KHK: variants seen among roughly 807,000 people sequenced by gnomAD.
KHK encodes ketohexokinase.
KHK carries 37 observed loss-of-function variants against 36.0 expected under a neutral mutation model. The observed-to-expected ratio is 1.03, with a 90% CI of 0.79 to 1.35. The LOEUF (loss-of-function observed/expected upper bound fraction) is 1.35. Ranked by LOEUF, KHK falls within the 40% of genes most tolerant of loss-of-function variation. KHK has a pLI of 0.00. For missense variants in KHK, 395 were observed against 391.9 expected (o/e 1.01, Z -0.07); for synonymous variants, 161 against 162.8 (o/e 0.99, Z 0.08).
chr2:27,099,713 A>G lies in KHK; in HGVS notation c.860A>G (p.Lys287Arg). ...AGATTCGGGTGCCAGGTGGCCGGCA[A>G]GAAGTGTGGCCTGCAGGGCTTTGAT... ...ALRFGCQVAG[K>R]KCGLQGFDGI... Residue 287 changes from lysine (K) to arginine (R), a missense_variant, in exon 8 of 8, where the codon AAG becomes AGG. Transcript: ENST00000260598. The G allele has an allele frequency of 6.2e-7, 1 of 1,614,102 alleles. No homozygotes were observed. Among genetic ancestry groups the G allele is most frequent in the Middle Eastern group, 1.7e-4 (1 of 6,058 alleles).
intron 6 of KHK, 27 bp downstream of exon 6, chr2:27,099,311 T>G: frequency 6.2e-7 from 1 of 1,613,420 alleles, no homozygotes; most frequent in South Asian, 1.1e-5. Flanking sequence ...AGGAAGGGGC[T>G]TTAGAAGGTA....
intron 3 of KHK, among the ~76,000 whole-genome samples, chr2:27,096,167 G>A (rs115224597): frequency 0.011 from 1,616 of 152,316 alleles, 25 homozygotes; most frequent in African/African-American, 0.036. Flanking sequence ...GAGGGTCAAG[G>A]CAGACCTCTA....
rs746646647 is a variant in KHK at position 27,097,545 on chromosome 2, G to A, written c.460G>A (p.Asp154Asn). ...GCAGGTGAAGATGCTGCAGCGGATA[G>A]ACGCACACAACACCAGGCAGCCTCC... The part of the protein sequence containing the change: ...SEQVKMLQRI[D>N]AHNTRQPPEQ... Residue 154 changes from aspartate (D) to asparagine (N), a missense_variant, in exon 5 of 8, where the codon GAC becomes AAC. Asp to Asn is a conservative substitution (Grantham distance 23). Coordinates refer to ENST00000260598, the MANE Select transcript of KHK (RefSeq NM_006488.3). 1.1e-5 allele frequency: 18 copies of A among 1,613,990 alleles called. No individual in the cohort carries two copies. Among genetic ancestry groups the A allele is most frequent in the Non-Finnish European group, 1.5e-5 (18 of 1,180,046 alleles).
At chr2:27,099,107 G>C (rs1044253260) in intron 5 of KHK, 89 bp from the exon 6 acceptor site, 2 of 1,073,166 alleles carry the variant, frequency 1.9e-6, no homozygotes, top group East Asian at 4.7e-5. Flanking sequence ...CATGTTGGGG[G>C]AGTCGTGTTG....
chr2:27,100,212 G>A lies in KHK; in HGVS notation c.*462G>A. 2.4e-6 allele frequency: 1 copy of A among 409,352 alleles called. No homozygotes were observed. The highest frequency in any genetic ancestry group is 4.6e-6 in the Non-Finnish European group (1 of 217,650). 25.4% of individuals were successfully genotyped at this position (409,352 alleles called of 1,614,324 possible). ...AAAGAAACCGTGAGAGCTCTTCGGG[G>A]CCCTGCGTTGTGCAGACTCTATTCC... is the stretch of plus-strand genomic sequence containing the variant. On this transcript the variant is annotated 3_prime_UTR_variant, in exon 8 of 8. Transcript: ENST00000260598.
chr2:27,097,601 G>A lies in KHK; in HGVS notation c.516G>A (p.Val172=), dbSNP rs1411832467. ...AGAAGATCCGGGTGTCCGTGGAGGT[G>A]GAGAAGCCACGAGAGGAGCTCTTCC... The part of the protein sequence containing the change: ...PEQKIRVSVE[V]EKPREELFQL... The change falls in exon 5 of 8, where the codon GTG becomes GTA. Residue 172 remains valine, a synonymous_variant. Coordinates refer to ENST00000260598, the MANE Select transcript of KHK (RefSeq NM_006488.3). The A allele has an allele frequency of 1.2e-6, 2 of 1,613,962 alleles. No homozygotes were observed. Among genetic ancestry groups the A allele is most frequent in the African/African-American group, 1.3e-5 (1 of 74,940 alleles).
chr2:27,099,661 C>T lies in KHK; in HGVS notation c.812-4C>T. 4 of 1,614,150 alleles carry T rather than the reference C, an allele frequency of 2.5e-6. No homozygotes were observed. Among genetic ancestry groups the T allele is most frequent in the Non-Finnish European group, 3.4e-6 (4 of 1,180,016 alleles). ...GCTGACCTAGCTACTTGCCCCTCCT[C>T]CAGGGAGGAGCGTGCAGGAAGCACT... On this transcript the variant is annotated splice_region_variant and splice_polypyrimidine_tract_variant and intron_variant, in intron 7 of 7. Transcript: ENST00000260598.
chr2:27,097,790 A>T, intron 5 of KHK, 141 bp downstream of exon 5: 1 of 1,228,844 alleles, frequency 8.1e-7, no homozygotes. Context: ...GATGGGGGTT[A>T]AAGCAAAGAA....
chr2:27,092,526 G>A, intron 2 of KHK, 78 bp downstream of exon 2: 2 of 1,042,120 alleles, frequency 1.9e-6, no homozygotes, highest in Non-Finnish European at 1.5e-6. Context: ...TCCACCCTGG[G>A]TGGATGGGGG....
In KHK at chr2:27,097,674, T is replaced by C. The variant is rs755369949; in HGVS notation, c.564+25T>C. The stretch of plus-strand genomic sequence containing the variant: ...GGTGGGTGCCCCATTCAGCCTCTCT[T>C]TGCCACTTCCAGCTAATTTGGTTCT... On this transcript the variant is annotated intron_variant, in intron 5 of 7. Transcript: ENST00000260598. 6.8e-6 allele frequency: 11 copies of C among 1,613,420 alleles called. No individual in the cohort carries two copies. The East Asian group carries it at 1.8e-4, about 26-fold the overall frequency.
chr2:27,099,194 A>C lies in KHK; in HGVS notation c.565-2A>C, dbSNP rs780388899. The C allele has an allele frequency of 1.9e-6, 3 of 1,614,136 alleles. No individual in the cohort carries two copies. In the Admixed American group the frequency reaches 5.0e-5, roughly 27 times the overall value. On this transcript the variant is annotated splice_acceptor_variant, in intron 5 of 7. Coordinates refer to ENST00000260598, the MANE Select transcript of KHK (RefSeq NM_006488.3). LOFTEE classifies it high-confidence loss of function. ...CACCAGCTTCTCTTCCACTGCCCAC[A>C]GGTGTTTGTCAGCAAAGATGTGGCC...
intron 3 of KHK, among the ~76,000 whole-genome samples, chr2:27,095,425 C>T (rs549045434): frequency 6.6e-6 from 1 of 152,156 alleles, no homozygotes; most frequent in African/African-American, 2.4e-5. Context: ...GATCAGCCCC[C>T]CAAAGTTTCC....
intron 2 of KHK, among the ~76,000 whole-genome samples, chr2:27,093,547 T>C (rs923546758): frequency 6.6e-6 from 1 of 152,192 alleles, no homozygotes; most frequent in African/African-American, 2.4e-5. Flanking sequence ...TTTCCAATGC[T>C]TTGGGAAAGT....
Position 27,087,249 on chromosome 2 carries a change from G to C in KHK, c.-11G>C. On this transcript the variant is annotated 5_prime_UTR_variant, in exon 1 of 8. Transcript: ENST00000260598. ...TCAGCCGGGCGGGCAGGAAGCTCTG[G>C]GAGTAGCCTCATGGAAGAGAAGCAG... 6 of 1,578,468 alleles carry C rather than the reference G, an allele frequency of 3.8e-6. No individual in the cohort carries two copies. Among genetic ancestry groups the C allele is most frequent in the Non-Finnish European group, 5.2e-6 (6 of 1,161,410 alleles).
chr2:27,098,346 C>A (rs1670530518), intron 5 of KHK, among the ~76,000 whole-genome samples: 2 of 151,788 alleles, frequency 1.3e-5, no homozygotes, highest in Non-Finnish European at 2.9e-5. Flanking sequence ...CATAGCAAGA[C>A]CCCTGTCTCT....
chr2:27,098,733 A>G (rs1199591084), intron 5 of KHK, among the ~76,000 whole-genome samples: 1 of 152,196 alleles, frequency 6.6e-6, no homozygotes, highest in Non-Finnish European at 1.5e-5. Context: ...TAGTTGTGGG[A>G]AAAACCAGCA....
chr2:27,087,422 G>A, intron 1 of KHK, 71 bp downstream of exon 1: 1 of 1,265,904 alleles, frequency 7.9e-7, no homozygotes, highest in East Asian at 2.5e-5. Flanking sequence ...AGCGACCGAG[G>A]CTGCAGAGAC....
At position 27,094,845 on chromosome 2, in the gene KHK, G is replaced by A; in HGVS notation, c.255G>A (p.Gln85=). The A allele has an allele frequency of 1.2e-6, 2 of 1,614,052 alleles. No homozygotes were observed. Among genetic ancestry groups the A allele is most frequent in the Non-Finnish European group, 1.7e-6 (2 of 1,180,040 alleles). The change falls in exon 3 of 8, where the codon CAG becomes CAA. Residue 85 remains glutamine (Q), a synonymous_variant. Transcript: ENST00000260598. ...DFRRRGVDVS[Q]VAWQSKGDTP... is the part of the protein sequence containing the mutation. ...GGCGGCGGGGCGTGGACGTGTCTCA[G>A]GTGGCCTGGCAGAGCAAGGGGGACA... is the stretch of plus-strand genomic sequence containing the variant.
Position 27,094,517 on chromosome 2 carries a change from C to T in KHK, c.210-283C>T, listed in dbSNP as rs886055886. 1.3e-5 allele frequency: 21 copies of T among 1,613,822 alleles called. No individual in the cohort carries two copies. The Middle Eastern group carries it at 4.9e-4, about 38-fold the overall frequency. ...CCTCCGCCGCTATTCTGTGGACCTACGCTACACAGTCTTTCAGACCACAGG... is the reference window on the plus strand; with the variant it reads ...CCTCCGCCGCTATTCTGTGGACCTATGCTACACAGTCTTTCAGACCACAGG... On this transcript the variant is annotated intron_variant, in intron 2 of 7. Transcript: ENST00000260598.
Sources: allele counts gnomAD v4.1 joint callset (sites outside exome capture counted in the v4.1 genomes callset), GRCh38; gene constraint gnomAD v4.1.1; transcripts MANE v1.5; gene names NCBI Gene and HGNC (gene_info 2026-07-23, HGNC 2026-07-21).